NINJ2: variants seen among roughly 807,000 people sequenced by gnomAD.
NINJ2 encodes ninjurin-2.
In NINJ2, 12 loss-of-function variants were observed where a neutral mutation model predicts 11.7. The ratio of observed to expected loss-of-function variants is 1.02; its 90% CI spans 0.66 to 1.66. The LOEUF (loss-of-function observed/expected upper bound fraction) is 1.66. NINJ2 is among the 40% of genes most tolerant of loss of function. The pLI, the probability that NINJ2 is intolerant of heterozygous loss-of-function variation, is 0.00. For missense variants in NINJ2, 187 were observed against 181.8 expected (o/e 1.03, Z -0.16); for synonymous variants, 93 against 76.8 (o/e 1.21, Z -1.10).
chr12:588,167 C>T (rs1444449486), intron 1 of NINJ2, among the ~76,000 whole-genome samples: 4 of 128,170 alleles, frequency 3.1e-5, no homozygotes, highest in East Asian at 4.9e-4. Flanking sequence ...AGGGAAGGGA[C>T]GGAAGGGACG....
At chr12:584,959 A>G (rs547312756) in intron 1 of NINJ2, among the ~76,000 whole-genome samples, 1 of 152,182 alleles carries the variant, frequency 6.6e-6, no homozygotes, top group East Asian at 1.9e-4. Context: ...TCTACTAAAA[A>G]TAAAAGAAAA....
intron 1 of NINJ2, among the ~76,000 whole-genome samples, chr12:629,128 C>T (rs1199411924): frequency 2.0e-5 from 3 of 152,176 alleles, no homozygotes; most frequent in Admixed American, 6.5e-5. Flanking sequence ...GTACAAGATC[C>T]GAAAAACCCT....
intron 1 of NINJ2, among the ~76,000 whole-genome samples, chr12:637,640 C>CA (rs1237593355): frequency 0.011 from 994 of 90,722 alleles, 3 homozygotes; most frequent in South Asian, 0.028. Context: ...GACTCCATCT[C>CA]AAAAAAAAAA....
intron 1 of NINJ2, among the ~76,000 whole-genome samples, chr12:617,224 AC>A (rs1948103497): frequency 6.6e-6 from 1 of 150,874 alleles, no homozygotes; most frequent in Non-Finnish European, 1.5e-5. Flanking sequence ...AAGTGTGTTC[AC>A]CCCCTGTTCT....
intron 1 of NINJ2, among the ~76,000 whole-genome samples, chr12:611,893 A>C (rs756759002): frequency 6.6e-6 from 1 of 152,240 alleles, no homozygotes; most frequent in Non-Finnish European, 1.5e-5. Context: ...CTTGCAGGAT[A>C]GTAGAATATT....
chr12:610,029 T>TG (rs1555164904), intron 1 of NINJ2, among the ~76,000 whole-genome samples: 48,933 of 151,342 alleles, frequency 0.32, 8,751 homozygotes, highest in African/African-American at 0.47. Flanking sequence ...TAGAGCATGA[T>TG]CCAAGTCGAT....
At chr12:605,915 T>C (rs1565632487) in intron 1 of NINJ2, among the ~76,000 whole-genome samples, 1 of 151,576 alleles carries the variant, frequency 6.6e-6, no homozygotes, top group African/African-American at 2.4e-5. Context: ...AATAAAGAAA[T>C]AAGAGAAGAG....
chr12:649,977 C>CT (rs951336816), intron 1 of NINJ2, among the ~76,000 whole-genome samples: 13 of 152,040 alleles, frequency 8.6e-5, no homozygotes, highest in African/African-American at 3.1e-4. Context: ...CATTATTGGA[C>CT]TCCCCATTTT....
chr12:605,391 C>A (rs552078813), intron 1 of NINJ2, among the ~76,000 whole-genome samples: 2 of 152,308 alleles, frequency 1.3e-5, no homozygotes, highest in South Asian at 4.1e-4. Flanking sequence ...CCAGATGATT[C>A]CTATCGGAAA....
chr12:621,793 G>A (rs113593768), intron 1 of NINJ2, among the ~76,000 whole-genome samples: 21,517 of 144,888 alleles, frequency 0.15, 1,943 homozygotes, highest in South Asian at 0.26. Context: ...CTCCAGCCTG[G>A]TGACAGAGTG....
chr12:623,691 T>G (rs1271594619), intron 1 of NINJ2, among the ~76,000 whole-genome samples: 1 of 152,168 alleles, frequency 6.6e-6, no homozygotes, highest in Non-Finnish European at 1.5e-5. Flanking sequence ...TGCCACAATT[T>G]GCACCAGGCA....
chr12:635,303 G>A (rs1054236051), intron 1 of NINJ2, among the ~76,000 whole-genome samples: 9 of 151,986 alleles, frequency 5.9e-5, no homozygotes, highest in South Asian at 2.1e-4. Flanking sequence ...TGCCTGCCTC[G>A]GCCTCCCAAA....
intron 1 of NINJ2, among the ~76,000 whole-genome samples, chr12:574,024 C>A (rs1399618702): frequency 3.9e-5 from 6 of 152,140 alleles, no homozygotes; most frequent in Non-Finnish European, 8.8e-5. Context: ...GAGTTCGAGA[C>A]CAGCCTGGCC....
intron 1 of NINJ2, among the ~76,000 whole-genome samples, chr12:659,135 A>C (rs575237241): frequency 6.6e-6 from 1 of 151,476 alleles, no homozygotes; most frequent in African/African-American, 2.4e-5. Context: ...AAACACTCCC[A>C]GAGTACTTTG....
intron 1 of NINJ2, among the ~76,000 whole-genome samples, chr12:569,161 GC>G (rs1947343723): frequency 6.6e-6 from 1 of 152,186 alleles, no homozygotes; most frequent in African/African-American, 2.4e-5. Flanking sequence ...GACTTGGGAG[GC>G]CACACACGGC....
chr12:584,250 C>A (rs867951156), intron 1 of NINJ2, among the ~76,000 whole-genome samples: 1 of 152,198 alleles, frequency 6.6e-6, no homozygotes, highest in Non-Finnish European at 1.5e-5. Context: ...GGGAGAGAAT[C>A]GTTTCCTGGC....
chr12:602,335 A>G (rs1430713168), intron 1 of NINJ2, among the ~76,000 whole-genome samples: 1 of 152,136 alleles, frequency 6.6e-6, no homozygotes, highest in Non-Finnish European at 1.5e-5. Context: ...GCAACTACTA[A>G]TCTACTTTCT....
At chr12:596,109 C>A (rs1178341506) in intron 1 of NINJ2, among the ~76,000 whole-genome samples, 2 of 152,186 alleles carry the variant, frequency 1.3e-5, no homozygotes, top group African/African-American at 4.8e-5. Context: ...CAATTTCTTT[C>A]AAAATTCAAC....
At position 634,265 on chromosome 12, in the gene NINJ2, C is replaced by CTTTTTTTTTTTTTTTTTTTTTT. The variant is rs67797144; in HGVS notation, c.33+29041_33+29062dup. Among the ~76,000 whole-genome samples the CTTTTTTTTTTTTTTTTTTTTTT allele has an allele frequency of 1.4e-3, 82 of 59,526 alleles. 11 individuals are homozygous for CTTTTTTTTTTTTTTTTTTTTTT. Among genetic ancestry groups the CTTTTTTTTTTTTTTTTTTTTTT allele is most frequent in the East Asian group, 3.4e-3 (4 of 1,174 alleles). The allele number at this position is 59,526 out of a possible 152,430, so 39.1% of individuals were successfully genotyped here. ...AAATAAATGTTGATTAGTTGCAGTT[C>CTTTTTTTTTTTTTTTTTTTTTT]TTTTTTTTTTTTTTTTTTTTTTTTT... is the stretch of plus-strand genomic sequence containing the variant. On this transcript the variant is annotated intron_variant, in intron 1 of 3. Coordinates refer to ENST00000305108, the MANE Select transcript of NINJ2 (RefSeq NM_016533.6).
Sources: gnomAD v4.1 joint callset for allele counts (sites outside exome capture counted in the v4.1 genomes callset) on GRCh38, gnomAD v4.1.1 for gene constraint, MANE v1.5 for transcripts, NCBI Gene and HGNC (gene_info 2026-07-23, HGNC 2026-07-21) for gene names.